Variants in REEP1 observed in about 807,000 individuals in gnomAD.
The protein encoded by REEP1 is receptor accessory protein 1.
REEP1 carries 22 observed loss-of-function variants against 40.3 expected under a neutral mutation model. That is an observed-to-expected ratio of 0.55 (90% CI 0.39 to 0.78). The LOEUF (loss-of-function observed/expected upper bound fraction) is 0.78, where lower values mean the gene tolerates loss of function less well. Among genes scored for constraint, REEP1 ranks in the 30% least tolerant of loss-of-function variants. REEP1 has a pLI of 0.00. For synonymous variants in REEP1, 116 were observed against 139.2 expected, an observed-to-expected ratio of 0.83 and a Z score of 1.17; for missense variants, 280 against 361.1, an observed-to-expected ratio of 0.78 and a Z score of 1.82.
At chr2:86,266,055 T>C (rs898922587) in intron 2 of REEP1, among the ~76,000 whole-genome samples, 10 of 152,070 alleles carry the variant, frequency 6.6e-5, no homozygotes, top group African/African-American at 2.4e-4. Context: ...TAATCCATGG[T>C]TAGGAGAAAA....
chr2:86,272,232 T>C (rs1574064989), intron 2 of REEP1, among the ~76,000 whole-genome samples: 1 of 152,180 alleles, frequency 6.6e-6, no homozygotes, highest in African/African-American at 2.4e-5. Flanking sequence ...CAGAAAATTT[T>C]TTAAAAATCC....
At chr2:86,330,304 A>G (rs1176282380) in intron 1 of REEP1, among the ~76,000 whole-genome samples, 1 of 152,038 alleles carries the variant, frequency 6.6e-6, no homozygotes, top group Non-Finnish European at 1.5e-5. Flanking sequence ...GAGTGTAACC[A>G]CTTGAATTCA....
intron 3 of REEP1, among the ~76,000 whole-genome samples, chr2:86,262,756 C>A (rs959662569): frequency 3.3e-5 from 5 of 152,218 alleles, no homozygotes; most frequent in Admixed American, 1.3e-4. Context: ...AATGCAAAAC[C>A]AACCCCATGA....
intron 2 of REEP1, among the ~76,000 whole-genome samples, chr2:86,273,647 C>T (rs1677586804): frequency 6.6e-6 from 1 of 152,190 alleles, no homozygotes; most frequent in Non-Finnish European, 1.5e-5. Context: ...ACATTTTCCA[C>T]TCCAACCATA....
At chr2:86,259,089 CA>C (rs1425645784) in intron 3 of REEP1, among the ~76,000 whole-genome samples, 1 of 152,108 alleles carries the variant, frequency 6.6e-6, no homozygotes, top group Admixed American at 6.5e-5. Flanking sequence ...GGGCGGATCA[CA>C]AGTTCAGGAG....
intron 5 of REEP1, among the ~76,000 whole-genome samples, chr2:86,233,334 T>C (rs1048097845): frequency 6.6e-6 from 1 of 152,354 alleles, no homozygotes; most frequent in Admixed American, 6.5e-5. Flanking sequence ...TTCTTTTATT[T>C]GTATAGCATA....
chr2:86,309,848 C>T (rs1238530920), intron 1 of REEP1, among the ~76,000 whole-genome samples: 1 of 152,108 alleles, frequency 6.6e-6, no homozygotes, highest in Non-Finnish European at 1.5e-5. Context: ...CTTCAAAATA[C>T]GAATTTGGGG....
At chr2:86,298,412 C>T (rs1190831178) in intron 1 of REEP1, among the ~76,000 whole-genome samples, 1 of 152,264 alleles carries the variant, frequency 6.6e-6, no homozygotes, top group African/African-American at 2.4e-5. Flanking sequence ...TCTCTTCATT[C>T]TTTCATTCAG....
At chr2:86,335,165 T>C (rs1273090987) in intron 1 of REEP1, among the ~76,000 whole-genome samples, 3 of 152,210 alleles carry the variant, frequency 2.0e-5, no homozygotes, top group Non-Finnish European at 2.9e-5. Context: ...CCCTCCATCA[T>C]TATTATTAGT....
At chr2:86,222,624 G>A (rs1359637096) in intron 7 of REEP1, among the ~76,000 whole-genome samples, 2 of 152,148 alleles carry the variant, frequency 1.3e-5, no homozygotes, top group Admixed American at 1.3e-4. Context: ...AGGAAGCCAG[G>A]TGTCTCAACA....
rs560683946 is a variant in REEP1, at chr2:86,318,405, T to C, written c.32+19074A>G. Among the ~76,000 whole-genome samples the C allele has an allele frequency of 9.5e-4, 142 of 149,804 alleles. 4 individuals are homozygous for C. In the South Asian group the frequency reaches 0.03, roughly 31 times the overall value. On this transcript the variant is annotated intron_variant, in intron 1 of 8. Coordinates refer to ENST00000538924, the MANE Select transcript of REEP1 (RefSeq NM_001371279.1). ...GTTTTCTTTTCTTTTCTTTTCTTTT[T>C]TTTTTTTTTTTGAGATAGAGTCTTG...
intron 1 of REEP1, among the ~76,000 whole-genome samples, chr2:86,335,592 TG>T (rs1240423921): frequency 3.9e-5 from 6 of 152,184 alleles, no homozygotes; most frequent in African/African-American, 1.4e-4. Context: ...AGCTCACGCC[TG>T]TAATCCCAGA....
intron 2 of REEP1, among the ~76,000 whole-genome samples, chr2:86,281,736 T>A (rs984695348): frequency 2.6e-5 from 4 of 152,144 alleles, no homozygotes; most frequent in Non-Finnish European, 5.9e-5. Context: ...AGAAATGGAA[T>A]GGGGGCAGAG....
chr2:86,215,333 A>G lies in REEP1; in HGVS notation c.*1706T>C, dbSNP rs1674049815. 6.6e-6 allele frequency: 1 copy of G among 152,204 alleles called. No individual in the cohort carries two copies. The allele number at this position is 152,204 out of a possible 1,614,324, so 9.4% of individuals were successfully genotyped here. A position where few individuals can be genotyped will look rare whatever the true frequency, so the allele number is the denominator to read the frequency against. On this transcript the variant is annotated 3_prime_UTR_variant, in exon 9 of 9. Coordinates refer to ENST00000538924, the MANE Select transcript of REEP1 (RefSeq NM_001371279.1). ...GGGTAGATGGGATTCCAATATGCAT[A>G]TCTGGCAACAATCAGCTTCAAATCA... is the stretch of plus-strand genomic sequence containing the variant.
At chr2:86,289,895 T>G (rs1678601894) in intron 1 of REEP1, among the ~76,000 whole-genome samples, 1 of 152,200 alleles carries the variant, frequency 6.6e-6, no homozygotes, top group Non-Finnish European at 1.5e-5. Flanking sequence ...CACTAACCTT[T>G]CTGTGGTCAA....
chr2:86,239,415 T>TATC (rs1339019537), intron 5 of REEP1, among the ~76,000 whole-genome samples: 6 of 152,048 alleles, frequency 3.9e-5, no homozygotes, highest in Non-Finnish European at 8.8e-5. Flanking sequence ...CTTGACACAA[T>TATC]ATCTAATGCC....
rs558397373 is a variant in REEP1, at chr2:86,251,754, A to T, written c.417+203T>A. 11 of 613,244 alleles carry T rather than the reference A, an allele frequency of 1.8e-5. No individual in the cohort carries two copies. In the Admixed American group the frequency reaches 1.9e-4, roughly 10 times the overall value. The allele number at this position is 613,244 out of a possible 1,614,324, so 38.0% of individuals were successfully genotyped here. On this transcript the variant is annotated intron_variant, in intron 5 of 8. Transcript: ENST00000538924. ...GCTCTGGGAACCTCTTGATATTGCA[A>T]GTATGTGGGCATGTGTGTTGGGGGG...
At chr2:86,234,194 A>G (rs1196251434) in intron 5 of REEP1, among the ~76,000 whole-genome samples, 3 of 152,158 alleles carry the variant, frequency 2.0e-5, no homozygotes, top group East Asian at 1.9e-4. Flanking sequence ...GGAGGGGGAA[A>G]AAAAGGGGCT....
chr2:86,263,295 T>C (rs140455855), intron 3 of REEP1, among the ~76,000 whole-genome samples: 149 of 152,372 alleles, frequency 9.8e-4, no homozygotes, highest in African/African-American at 3.1e-3. Flanking sequence ...AATGATGCGA[T>C]CTTGGCTTAC....
Sources: gnomAD v4.1 joint callset for allele counts (sites outside exome capture counted in the v4.1 genomes callset) on GRCh38, gnomAD v4.1.1 for gene constraint, MANE v1.5 for transcripts, NCBI Gene and HGNC (gene_info 2026-07-23, HGNC 2026-07-21) for gene names.